The following PPP1R1C variants were observed in gnomAD, a reference collection of about 807,000 sequenced individuals.
The protein encoded by PPP1R1C is protein phosphatase 1 regulatory inhibitor subunit 1C, also known as protein phosphatase 1 regulatory subunit 1C.
PPP1R1C carries 15 observed loss-of-function variants against 17.4 expected under a neutral mutation model. The ratio of observed to expected loss-of-function variants is 0.86; its 90% CI spans 0.58 to 1.33. The LOEUF (loss-of-function observed/expected upper bound fraction) is 1.33. PPP1R1C is among the 40% of genes most tolerant of loss of function. PPP1R1C has a pLI of 0.00. For synonymous variants in PPP1R1C, 35 were observed against 43.1 expected, an observed-to-expected ratio of 0.81 and a Z score of 0.73; for missense variants, 143 against 130.0, an observed-to-expected ratio of 1.10 and a Z score of -0.48.
At chr2:182,105,482 A>G (rs888504371) in intron 4 of PPP1R1C, among the ~76,000 whole-genome samples, 1 of 88,318 alleles carries the variant, frequency 1.1e-5, no homozygotes, top group Non-Finnish European at 2.3e-5. Flanking sequence ...AGTACCACAG[A>G]AGAGAGAAGG....
At chr2:182,100,498 G>C (rs1689069206) in intron 4 of PPP1R1C, among the ~76,000 whole-genome samples, 1 of 147,566 alleles carries the variant, frequency 6.8e-6, no homozygotes. Context: ...AACAGAGCGA[G>C]ATTCCATCTC....
chr2:181,986,754 G>A (rs1685309541), intron 1 of PPP1R1C, among the ~76,000 whole-genome samples: 1 of 152,060 alleles, frequency 6.6e-6, no homozygotes, highest in Non-Finnish European at 1.5e-5. Flanking sequence ...TACAAACAGT[G>A]TTTTAACATT....
downstream of PPP1R1C, among the ~76,000 whole-genome samples, chr2:182,118,250 A>G (rs964140753): frequency 1.3e-5 from 2 of 152,182 alleles, no homozygotes; most frequent in African/African-American, 4.8e-5. Flanking sequence ...TTACCCCTAT[A>G]GAACTGGCAG....
intron 2 of PPP1R1C, among the ~76,000 whole-genome samples, chr2:182,004,253 A>G (rs1178429234): frequency 6.6e-6 from 1 of 152,196 alleles, no homozygotes; most frequent in Non-Finnish European, 1.5e-5. Flanking sequence ...TACAATTATG[A>G]AATATTTTTA....
At chr2:181,963,183 GCAACCCC>G (rs549995192) in intron 1 of PPP1R1C, among the ~76,000 whole-genome samples, 144 of 152,220 alleles carry the variant, frequency 9.5e-4, no homozygotes, top group African/African-American at 3.3e-3. Flanking sequence ...ATTATAAATA[GCAACCCC>G]CAAACCATAA....
At position 182,061,486 on chromosome 2, in the gene PPP1R1C, T is replaced by G; in HGVS notation, c.180+7T>G. 6.8e-7 allele frequency: 1 copy of G among 1,461,040 alleles called. No individual in the cohort carries two copies. The highest frequency in any genetic ancestry group is 9.0e-7 in the Non-Finnish European group (1 of 1,108,048). 90.5% of individuals were successfully genotyped at this position (1,461,040 alleles called of 1,614,324 possible). A position where few individuals can be genotyped will look rare whatever the true frequency, so the allele number is the denominator to read the frequency against. On this transcript the variant is annotated splice_region_variant and intron_variant, in intron 3 of 4. Transcript: ENST00000682840. Reference sequence around the variant, plus strand: ...GCCCAACACACAAGGGGAAGTAAGTTTTTAAAAATATTTTGTATAAATGTG... The same window carrying G: ...GCCCAACACACAAGGGGAAGTAAGTGTTTAAAAATATTTTGTATAAATGTG...
At chr2:182,004,006 G>T (rs1260892257) in intron 2 of PPP1R1C, among the ~76,000 whole-genome samples, 1 of 152,038 alleles carries the variant, frequency 6.6e-6, no homozygotes, top group African/African-American at 2.4e-5. Flanking sequence ...GATTTTGGCT[G>T]GTTTTGAAGC....
intron 4 of PPP1R1C, among the ~76,000 whole-genome samples, chr2:182,109,839 C>A (rs1046766465): frequency 1.3e-5 from 2 of 152,276 alleles, no homozygotes; most frequent in Admixed American, 1.3e-4. Flanking sequence ...ATTCAGCCAC[C>A]ACTGGGCATG....
intron 2 of PPP1R1C, among the ~76,000 whole-genome samples, chr2:182,055,077 GT>G (rs141411901): frequency 0.043 from 6,438 of 148,396 alleles, 418 homozygotes; most frequent in Admixed American, 0.18. Context: ...TTAGTTTCTG[GT>G]TTTTTTTTTA....
intron 2 of PPP1R1C, among the ~76,000 whole-genome samples, chr2:181,980,632 TA>T (rs1685174916): frequency 6.6e-6 from 1 of 152,206 alleles, no homozygotes; most frequent in South Asian, 2.1e-4. Context: ...GCATCATGGC[TA>T]ATATGGACTT....
At chr2:181,987,078 C>T (rs527783248) in intron 1 of PPP1R1C, among the ~76,000 whole-genome samples, 2 of 152,246 alleles carry the variant, frequency 1.3e-5, no homozygotes, top group Middle Eastern at 3.4e-3. Context: ...TATCCTTGAA[C>T]ATGTGTCTAT....
intron 4 of PPP1R1C, among the ~76,000 whole-genome samples, chr2:182,081,415 T>C (rs1688472386): frequency 6.6e-6 from 1 of 152,188 alleles, no homozygotes; most frequent in South Asian, 2.1e-4. Flanking sequence ...ATTCAATACA[T>C]TGCAGTTGCA....
chr2:181,990,311 T>C (rs1266864080), intron 2 of PPP1R1C, among the ~76,000 whole-genome samples: 1 of 148,686 alleles, frequency 6.7e-6, no homozygotes, highest in Non-Finnish European at 1.5e-5. Context: ...GCTAATTTTT[T>C]TGTATTTTTT....
At chr2:182,061,530 G>A (rs1239955170) in intron 3 of PPP1R1C, 51 bp downstream of exon 3, 9 of 1,167,180 alleles carry the variant, frequency 7.7e-6, no homozygotes, top group African/African-American at 1.6e-5. Context: ...AATTAAAAAT[G>A]CAAAAATTTG....
Position 181,962,237 on chromosome 2 carries a change from T to G in PPP1R1C, n.111+7603T>G. On this transcript the variant is annotated intron_variant and non_coding_transcript_variant, in intron 1 of 5. Transcript: ENST00000464264. The surrounding 1 kb of genome is among the most constrained non-coding windows in gnomAD (Gnocchi z 6.0). ...GTCATTCAGGCTTTGCATTGTCTCC[T>G]TCTTATTCTGGATGCCTCCCATTCC... The G allele has an allele frequency of 1.4e-6, 1 of 732,350 alleles. No homozygotes were observed. Among genetic ancestry groups the G allele is most frequent in the Non-Finnish European group, 2.5e-6 (1 of 403,952 alleles). The allele number at this position is 732,350 out of a possible 1,614,324, so 45.4% of individuals were successfully genotyped here.
chr2:181,964,513 T>C lies in PPP1R1C; in HGVS notation n.111+9879T>C, dbSNP rs139822913. 7.9e-5 allele frequency among the ~76,000 whole-genome samples: 12 copies of C among 152,320 alleles called. No individual in the cohort carries two copies. In the East Asian group the frequency reaches 2.1e-3, roughly 27 times the overall value. On this transcript the variant is annotated intron_variant and non_coding_transcript_variant, in intron 1 of 5. Transcript: ENST00000464264. ...TGGAATTACTGGATCATATGGTAGC[T>C]CTATTTTTTAGTTTTTTAAGGAACC... is the stretch of plus-strand genomic sequence containing the variant.
At chr2:182,013,859 G>T (rs972961314) in intron 2 of PPP1R1C, among the ~76,000 whole-genome samples, 1 of 152,008 alleles carries the variant, frequency 6.6e-6, no homozygotes, top group African/African-American at 2.4e-5. Context: ...GAATTTTTCA[G>T]CTCTAGAATT....
In PPP1R1C at chr2:182,117,362, G is replaced by A. The variant is rs1689619192; in HGVS notation, c.*67G>A. ...CTATTAACTTTTCTGAGTATACCAT[G>A]GAATTCCACTGCTTGACTTCCAGAA... is the stretch of plus-strand genomic sequence containing the variant. On this transcript the variant is annotated 3_prime_UTR_variant, in exon 5 of 5. Coordinates refer to ENST00000682840, the MANE Select transcript of PPP1R1C (RefSeq NM_001080545.3). 1 of 1,143,824 alleles carries A rather than the reference G, an allele frequency of 8.7e-7. No homozygotes were observed. The highest frequency in any genetic ancestry group is 1.3e-6 in the Non-Finnish European group (1 of 791,600). 70.9% of individuals were successfully genotyped at this position (1,143,824 alleles called of 1,614,324 possible).
chr2:182,044,180 A>T (rs1290170445), intron 2 of PPP1R1C, among the ~76,000 whole-genome samples: 2 of 152,272 alleles, frequency 1.3e-5, no homozygotes, highest in Admixed American at 1.3e-4. Flanking sequence ...GGACTCCTCC[A>T]ATTCATTCTC....
Sources: allele counts gnomAD v4.1 joint callset (sites outside exome capture counted in the v4.1 genomes callset), GRCh38; gene constraint gnomAD v4.1.1; non-coding constraint Gnocchi (gnomAD v3.1); transcripts MANE v1.5; gene names NCBI Gene and HGNC (gene_info 2026-07-23, HGNC 2026-07-21).